RAB7A: variants seen among roughly 807,000 people sequenced by gnomAD.
The protein encoded by RAB7A is RAB7A, member RAS oncogene family.
In RAB7A, 2 loss-of-function variants were observed where a neutral mutation model predicts 24.5. The observed-to-expected ratio is 0.08, with a 90% CI of 0.03 to 0.26. The LOEUF (loss-of-function observed/expected upper bound fraction) is 0.26, where lower values mean the gene tolerates loss of function less well. Ranked by LOEUF, RAB7A falls within the 10% of genes least tolerant of loss-of-function variation. The pLI, the probability that RAB7A is intolerant of heterozygous loss-of-function variation, is 1.00. For missense variants in RAB7A, 118 were observed against 255.7 expected, an observed-to-expected ratio of 0.46 and a Z score of 3.67; for synonymous variants, 100 against 95.9, an observed-to-expected ratio of 1.04 and a Z score of -0.25.
chr3:128,753,364 A>G (rs2070704135), intron 1 of RAB7A, among the ~76,000 whole-genome samples: 4 of 148,634 alleles, frequency 2.7e-5, no homozygotes. Flanking sequence ...TAGAGGATGA[A>G]GGGGGGGGAA....
chr3:128,765,954 G>A (rs753708897), intron 1 of RAB7A, among the ~76,000 whole-genome samples: 9 of 152,006 alleles, frequency 5.9e-5, no homozygotes, highest in Non-Finnish European at 7.4e-5. Context: ...TAGAGACGGA[G>A]TTTCACCATG....
intron 1 of RAB7A, among the ~76,000 whole-genome samples, chr3:128,773,754 TG>T (rs991158286): frequency 3.9e-5 from 6 of 152,230 alleles, no homozygotes; most frequent in African/African-American, 1.4e-4. Context: ...TCTTCTGCCT[TG>T]GGATGCTGTT....
intron 1 of RAB7A, among the ~76,000 whole-genome samples, chr3:128,743,792 CT>C (rs35973437): frequency 0.22 from 31,667 of 141,032 alleles, 5,068 homozygotes; most frequent in African/African-American, 0.46. Flanking sequence ...TTCTCTCTCT[CT>C]TTTTTTTTTT....
intron 3 of RAB7A, among the ~76,000 whole-genome samples, chr3:128,803,190 A>C (rs1398050699): frequency 6.6e-6 from 1 of 152,218 alleles, no homozygotes; most frequent in African/African-American, 2.4e-5. Context: ...CTGAAGGTGG[A>C]AAAAATACAA....
At chr3:128,812,771 G>A (rs533060878) in intron 5 of RAB7A, among the ~76,000 whole-genome samples, 1 of 152,212 alleles carries the variant, frequency 6.6e-6, no homozygotes, top group South Asian at 2.1e-4. Flanking sequence ...TAAACCTTTG[G>A]AAGAAAAAAG....
intron 1 of RAB7A, among the ~76,000 whole-genome samples, chr3:128,779,064 G>A (rs560879503): frequency 6.6e-6 from 1 of 152,324 alleles, no homozygotes; most frequent in Admixed American, 6.5e-5. Flanking sequence ...TGATGTTTCA[G>A]TATTGTGGAC....
chr3:128,768,191 T>C (rs1457345036), intron 1 of RAB7A, among the ~76,000 whole-genome samples: 1 of 152,184 alleles, frequency 6.6e-6, no homozygotes, highest in East Asian at 1.9e-4. Context: ...ATACTGTGTA[T>C]TTATTTGGGG....
chr3:128,779,641 G>A (rs983953417), intron 1 of RAB7A, among the ~76,000 whole-genome samples: 2 of 152,158 alleles, frequency 1.3e-5, no homozygotes, highest in Non-Finnish European at 2.9e-5. Flanking sequence ...ACCCAGACTG[G>A]AGTACAGTGG....
chr3:128,758,726 A>T (rs1477971965), intron 1 of RAB7A, among the ~76,000 whole-genome samples: 1 of 152,106 alleles, frequency 6.6e-6, no homozygotes, highest in African/African-American at 2.4e-5. Flanking sequence ...ATATCAGATA[A>T]AAGGGTTTGG....
chr3:128,740,143 G>T (rs1023718909), intron 1 of RAB7A, among the ~76,000 whole-genome samples: 1 of 152,138 alleles, frequency 6.6e-6, no homozygotes, highest in African/African-American at 2.4e-5. Flanking sequence ...TTGGGAGGCC[G>T]CCGAGATGGG....
In RAB7A at chr3:128,735,188, TGGGGTGGTGA is replaced by T. The variant is rs2070479394; in HGVS notation, c.-9+8834_-9+8843del. The stretch of plus-strand genomic sequence containing the variant: ...ACTTAGTTTAGAGTTGTTCAATGCC[TGGGGTGGTGA>T]GGGGCATGTTGAGTGGATTTTTAAA... On this transcript the variant is annotated intron_variant, in intron 1 of 5. Coordinates refer to ENST00000265062, the MANE Select transcript of RAB7A (RefSeq NM_004637.6). Among the ~76,000 whole-genome samples, 5 of 152,332 alleles carry T rather than the reference TGGGGTGGTGA, an allele frequency of 3.3e-5. No individual in the cohort carries two copies. In the South Asian group the frequency reaches 1.0e-3, roughly 32 times the overall value.
At chr3:128,789,404 C>T (rs1263475607) in intron 1 of RAB7A, among the ~76,000 whole-genome samples, 15 of 150,300 alleles carry the variant, frequency 1.0e-4, no homozygotes, top group Admixed American at 3.3e-4. Flanking sequence ...GATGCGATCT[C>T]GGCTCACTGC....
intron 1 of RAB7A, among the ~76,000 whole-genome samples, chr3:128,744,745 A>G (rs1372778565): frequency 6.6e-6 from 1 of 152,204 alleles, no homozygotes; most frequent in Non-Finnish European, 1.5e-5. Flanking sequence ...TAACCAGGTA[A>G]TGTCAGTGTG....
At chr3:128,802,764 C>T (rs1192766326) in intron 3 of RAB7A, among the ~76,000 whole-genome samples, 1 of 151,376 alleles carries the variant, frequency 6.6e-6, no homozygotes, top group African/African-American at 2.4e-5. Context: ...GCCTCAGCCT[C>T]CCACGGCGCT....
intron 1 of RAB7A, among the ~76,000 whole-genome samples, chr3:128,754,697 C>T (rs1173413005): frequency 6.6e-6 from 1 of 152,054 alleles, no homozygotes; most frequent in African/African-American, 2.4e-5. Context: ...TTTAATGTGA[C>T]AGGATGGAAA....
At chr3:128,804,289 A>G (rs151315589) in intron 3 of RAB7A, among the ~76,000 whole-genome samples, 2 of 152,204 alleles carry the variant, frequency 1.3e-5, no homozygotes, top group African/African-American at 2.4e-5. Flanking sequence ...AACCCCTCCT[A>G]TATACATATC....
At chr3:128,764,461 G>C in intron 1 of RAB7A, 1 of 764,890 alleles carries the variant, frequency 1.3e-6, no homozygotes, top group Non-Finnish European at 2.4e-6. Context: ...AAATTAGCCT[G>C]AGGCTTAGTT....
chr3:128,791,066 A>G (rs1933442898), intron 1 of RAB7A, among the ~76,000 whole-genome samples: 1 of 152,128 alleles, frequency 6.6e-6, no homozygotes, highest in African/African-American at 2.4e-5. Context: ...AACCACTGTA[A>G]TAGTGATTGT....
intron 3 of RAB7A, among the ~76,000 whole-genome samples, chr3:128,803,658 T>C (rs1933743617): frequency 6.6e-6 from 1 of 152,180 alleles, no homozygotes; most frequent in South Asian, 2.1e-4. Context: ...ATAACTCAAA[T>C]GATCTGGGGA....
Sources: gnomAD v4.1 joint callset for allele counts (sites outside exome capture counted in the v4.1 genomes callset) on GRCh38, gnomAD v4.1.1 for gene constraint, MANE v1.5 for transcripts, NCBI Gene and HGNC (gene_info 2026-07-23, HGNC 2026-07-21) for gene names.